The following RPS6KA2 variants were observed in gnomAD, a reference collection of about 807,000 sequenced individuals.
RPS6KA2 encodes ribosomal protein S6 kinase alpha-2.
Under a neutral mutation model 91.8 loss-of-function variants are expected in RPS6KA2, and 42 were observed. The ratio of observed to expected loss-of-function variants is 0.46; its 90% CI spans 0.36 to 0.59. RPS6KA2 has a LOEUF of 0.59. RPS6KA2 is among the 20% of genes least tolerant of loss of function. The probability of loss-of-function intolerance (pLI) is 0.00; values close to 1 mark genes in which losing one functional copy is unlikely to be tolerated. For synonymous variants in RPS6KA2, 414 were observed against 393.6 expected (o/e 1.05, Z -0.61); for missense variants, 798 against 978.5 (o/e 0.82, Z 2.46).
At chr6:166,798,445 C>T (rs1441776911) in intron 2 of RPS6KA2, among the ~76,000 whole-genome samples, 2 of 152,346 alleles carry the variant, frequency 1.3e-5, no homozygotes, top group East Asian at 3.9e-4. Context: ...AAGGAGCATC[C>T]TGGTGCTGAA....
chr6:166,599,581 C>T (rs1302222482), intron 1 of RPS6KA2, among the ~76,000 whole-genome samples: 1 of 152,190 alleles, frequency 6.6e-6, no homozygotes, highest in African/African-American at 2.4e-5. Context: ...ACGGGGAAGA[C>T]AGCAGGTCAC....
Position 166,490,800 on chromosome 6 carries a change from C to T in RPS6KA2, c.748-59G>A. The T allele has an allele frequency of 2.3e-6, 3 of 1,305,940 alleles. No homozygotes were observed. Among genetic ancestry groups the T allele is most frequent in the Non-Finnish European group, 3.3e-6 (3 of 913,464 alleles). 80.9% of individuals were successfully genotyped at this position (1,305,940 alleles called of 1,614,324 possible). A position where few individuals can be genotyped will look rare whatever the true frequency, so the allele number is the denominator to read the frequency against. On this transcript the variant is annotated intron_variant, in intron 8 of 20. Coordinates refer to ENST00000265678, the MANE Select transcript of RPS6KA2 (RefSeq NM_021135.6). The surrounding 1 kb of genome is among the most constrained non-coding windows in gnomAD (Gnocchi z 4.2). The stretch of plus-strand genomic sequence containing the variant: ...CATCCAGATGGACCCGGCTTCACGG[C>T]AGAGTACCCCAGCAGGGCAGCCTGC...
At chr6:166,497,427 G>A (rs1317180434) in intron 8 of RPS6KA2, among the ~76,000 whole-genome samples, 1 of 152,234 alleles carries the variant, frequency 6.6e-6, no homozygotes, top group Non-Finnish European at 1.5e-5. Context: ...GGGCATCTCC[G>A]ACTGCGAACT....
intron 2 of RPS6KA2, among the ~76,000 whole-genome samples, chr6:166,831,215 T>C (rs1019219619): frequency 1.4e-4 from 21 of 152,150 alleles, no homozygotes; most frequent in Non-Finnish European, 5.9e-5. Context: ...GTGTTGGTCC[T>C]GCGCACCTCA....
intron 1 of RPS6KA2, among the ~76,000 whole-genome samples, chr6:166,601,331 C>T (rs1351220507): frequency 6.6e-6 from 1 of 152,220 alleles, no homozygotes; most frequent in Non-Finnish European, 1.5e-5. Flanking sequence ...TTACAAAGCA[C>T]TTCTACCTAA....
intron 1 of RPS6KA2, among the ~76,000 whole-genome samples, chr6:166,572,371 G>A (rs1303057480): frequency 6.6e-6 from 1 of 152,248 alleles, no homozygotes; most frequent in East Asian, 1.9e-4. Flanking sequence ...GTGAAAGCAT[G>A]TTATAAAACA....
intron 1 of RPS6KA2, among the ~76,000 whole-genome samples, chr6:166,615,979 C>T (rs567499516): frequency 2.6e-5 from 4 of 152,270 alleles, no homozygotes; most frequent in Admixed American, 6.5e-5. Flanking sequence ...GCCTAAATGA[C>T]GACGCTTTTT....
At chr6:166,817,706 C>T (rs1240930512) in intron 2 of RPS6KA2, among the ~76,000 whole-genome samples, 1 of 140,892 alleles carries the variant, frequency 7.1e-6, no homozygotes, top group Non-Finnish European at 1.5e-5. Context: ...TTGGCCAAAC[C>T]ATCTTTTTTC....
chr6:166,786,385 G>A (rs6918691), intron 2 of RPS6KA2, among the ~76,000 whole-genome samples: 32,502 of 151,774 alleles, frequency 0.21, 4,247 homozygotes, highest in African/African-American at 0.37. Flanking sequence ...AGTTAATAGA[G>A]AATAATGATT....
At chr6:166,835,275 T>C (rs1229130949) in intron 2 of RPS6KA2, among the ~76,000 whole-genome samples, 1 of 152,246 alleles carries the variant, frequency 6.6e-6, no homozygotes, top group Non-Finnish European at 1.5e-5. Context: ...TGGGTTATTC[T>C]ACATCCTCTG....
intron 2 of RPS6KA2, among the ~76,000 whole-genome samples, chr6:166,842,583 C>A (rs546315090): frequency 1.3e-5 from 2 of 152,176 alleles, no homozygotes; most frequent in Admixed American, 6.5e-5. Flanking sequence ...TTGCAAGGCT[C>A]CAGGAGACTA....
intron 16 of RPS6KA2, among the ~76,000 whole-genome samples, chr6:166,426,107 A>G (rs866953982): frequency 1.8e-3 from 275 of 152,342 alleles, no homozygotes; most frequent in African/African-American, 6.4e-3. Context: ...ACTATCTCTC[A>G]GACCACAGTG....
chr6:166,609,467 A>G (rs1464844263), intron 1 of RPS6KA2, among the ~76,000 whole-genome samples: 1 of 151,836 alleles, frequency 6.6e-6, no homozygotes. Flanking sequence ...ATGACTCAGG[A>G]GCACTGAGAC....
Position 166,531,177 on chromosome 6 carries a change from A to G in RPS6KA2, c.298+55T>C, listed in dbSNP as rs181000996. The G allele has an allele frequency of 3.6e-4, 398 of 1,104,446 alleles. 8 individuals carry two copies. The Admixed American group carries it at 6.8e-3, about 19-fold the overall frequency. The allele number at this position is 1,104,446 out of a possible 1,614,324, so 68.4% of individuals were successfully genotyped here. A position where few individuals can be genotyped will look rare whatever the true frequency, so the allele number is the denominator to read the frequency against. Reference sequence around the variant, plus strand: ...GAATGAATATTTCCTCAAATAACGGAGTAGAAATTGCAGTTACCTGTCTCT... The same window carrying G: ...GAATGAATATTTCCTCAAATAACGGGGTAGAAATTGCAGTTACCTGTCTCT... On this transcript the variant is annotated intron_variant, in intron 3 of 20. Transcript: ENST00000265678.
intron 2 of RPS6KA2, among the ~76,000 whole-genome samples, chr6:166,776,359 G>A (rs1333727184): frequency 2.6e-5 from 4 of 152,198 alleles, no homozygotes; most frequent in South Asian, 2.1e-4. Context: ...CTTTGAGACC[G>A]TCCTGGGGGC....
At chr6:166,706,588 C>T (rs1789686746) in intron 2 of RPS6KA2, among the ~76,000 whole-genome samples, 1 of 152,210 alleles carries the variant, frequency 6.6e-6, no homozygotes, top group South Asian at 2.1e-4. Flanking sequence ...CGAGTATCAT[C>T]TGTGCTCTTT....
intron 2 of RPS6KA2, among the ~76,000 whole-genome samples, chr6:166,827,857 C>T (rs1780087355): frequency 6.6e-6 from 1 of 152,204 alleles, no homozygotes; most frequent in South Asian, 2.1e-4. Flanking sequence ...TTGTTTTATG[C>T]TCTGCCTTCA....
chr6:166,666,285 T>C lies in RPS6KA2; in HGVS notation c.124-127501A>G, dbSNP rs920333192. ...AAGTAGGGGGCAAGGGAGCACTCTG[T>C]AAAAGCAGGGGATGATGTGTAAACC... On this transcript the variant is annotated intron_variant, in intron 2 of 21. Coordinates refer to the RPS6KA2 transcript ENST00000503859. The surrounding 1 kb of genome is among the most constrained non-coding windows in gnomAD (Gnocchi z 4.0). Among the ~76,000 whole-genome samples, 1 of 152,146 alleles carries C rather than the reference T, an allele frequency of 6.6e-6. No individual in the cohort carries two copies. The highest frequency in any genetic ancestry group is 6.5e-5 in the Admixed American group (1 of 15,282).
At chr6:166,413,105 C>G (rs527548712) in intron 20 of RPS6KA2, among the ~76,000 whole-genome samples, 1 of 152,106 alleles carries the variant, frequency 6.6e-6, no homozygotes, top group Non-Finnish European at 1.5e-5. Context: ...ACCTGCCCCC[C>G]CCACCCCATG....
Sources: gnomAD v4.1 joint callset for allele counts (sites outside exome capture counted in the v4.1 genomes callset) on GRCh38, gnomAD v4.1.1 for gene constraint, Gnocchi (gnomAD v3.1) non-coding constraint, MANE v1.5 for transcripts, NCBI Gene and HGNC (gene_info 2026-07-23, HGNC 2026-07-21) for gene names.